The following SREBF2 variants were observed in gnomAD, a reference collection of about 807,000 sequenced individuals.
The protein encoded by SREBF2 is sterol regulatory element binding transcription factor 2.
Under a neutral mutation model 113.1 loss-of-function variants are expected in SREBF2, and 55 were observed. The ratio of observed to expected loss-of-function variants is 0.49; its 90% CI spans 0.39 to 0.61. SREBF2 has a LOEUF of 0.61. Ranked by LOEUF, SREBF2 falls within the 20% of genes least tolerant of loss-of-function variation. SREBF2 has a pLI of 0.00. For synonymous variants in SREBF2, 593 were observed against 605.7 expected (o/e 0.98, Z 0.31); for missense variants, 1,349 against 1,487.4 (o/e 0.91, Z 1.53).
At chr22:41,876,468 G>A (rs1400044292) in intron 7 of SREBF2, among the ~76,000 whole-genome samples, 1 of 152,218 alleles carries the variant, frequency 6.6e-6, no homozygotes, top group Non-Finnish European at 1.5e-5. Flanking sequence ...AATTGAATTA[G>A]CTGGGCTTCT....
At position 41,904,872 on chromosome 22, in the gene SREBF2, C is replaced by T. The variant is rs765791140; in HGVS notation, c.3103C>T (p.His1035Tyr). ...CCCGGCACCTCCCCAGGTGTTCCTGCATGAAGCCACCGTGCGCCTGATGGC... is the reference window on the plus strand; with the variant it reads ...CCCGGCACCTCCCCAGGTGTTCCTGTATGAAGCCACCGTGCGCCTGATGGC... ...FRPAYRKVFL[H>Y]EATVRLMAGA... Residue 1035 changes from histidine to tyrosine, a missense_variant, in exon 18 of 19, where the codon CAT becomes TAT. Around this residue, in one of 2 missense-constraint regions of SREBF2, gnomAD observed 650 missense variants for 644.1 expected, o/e 1.01. Transcript: ENST00000361204. 1.4e-5 allele frequency: 22 copies of T among 1,596,386 alleles called. No homozygotes were observed. Among genetic ancestry groups the T allele is most frequent in the Admixed American group, 1.0e-4 (6 of 58,136 alleles).
intron 16 of SREBF2, 106 bp from the exon 17 acceptor site, chr22:41,902,864 A>C: frequency 4.7e-5 from 58 of 1,239,608 alleles, no homozygotes; most frequent in Non-Finnish European, 6.1e-5. Flanking sequence ...ACTTCCTCCC[A>C]GAGCTGCTGA....
In SREBF2 at chr22:41,868,716, C is replaced by T. The variant is rs376619164; in HGVS notation, c.644C>T (p.Thr215Met). The T allele has an allele frequency of 1.6e-5, 26 of 1,614,122 alleles. No individual in the cohort carries two copies. The highest frequency in any genetic ancestry group is 1.6e-4 in the Middle Eastern group (1 of 6,084). Residue 215 changes from threonine to methionine, a missense_variant, in exon 3 of 19, where the codon ACG (threonine) becomes ATG (methionine). By Grantham distance (81) the Thr-to-Met change is moderately conservative (BLOSUM62 -1). Transcript: ENST00000361204. ...TVQAQRVLTQ[T>M]ANGTLQTLAP... ...CAGGCCCAGCGGGTGCTGACACAAA[C>T]GGCCAATGGCACGCTGCAGACCCTT...
At chr22:41,878,185 G>T in intron 9 of SREBF2, 62 bp downstream of exon 9, 2 of 1,600,734 alleles carry the variant, frequency 1.2e-6, no homozygotes, top group Non-Finnish European at 8.5e-7. Context: ...TCAGCAACTC[G>T]TGTCAAAGAA....
Position 41,833,428 on chromosome 22 carries a change from G to A in SREBF2, c.88+70G>A, listed in dbSNP as rs1178388021. 9 of 1,388,968 alleles carry A rather than the reference G, an allele frequency of 6.5e-6. No homozygotes were observed. The highest frequency in any genetic ancestry group is 8.8e-6 in the Non-Finnish European group (9 of 1,020,510). 86.0% of individuals were successfully genotyped at this position (1,388,968 alleles called of 1,614,324 possible). A position where few individuals can be genotyped will look rare whatever the true frequency, so the allele number is the denominator to read the frequency against. On this transcript the variant is annotated intron_variant, in intron 1 of 18. Coordinates refer to ENST00000361204, the MANE Select transcript of SREBF2 (RefSeq NM_004599.4). This position sits in a 1 kb window ranked among gnomAD's most constrained non-coding sequence, Gnocchi z 4.1. ...AGGGGTTACGGCGGCGCGCCCGGGT[G>A]CGCGTGCGCCCACCCCCCGACAGCC...
At position 41,866,934 on chromosome 22, in the gene SREBF2, C is replaced by T. The variant is rs145442703; in HGVS notation, c.192C>T (p.Ser64=). 124 of 1,613,268 alleles carry T rather than the reference C, an allele frequency of 7.7e-5. No individual in the cohort carries two copies. The highest frequency in any genetic ancestry group is 1.6e-4 in the Middle Eastern group (1 of 6,082). The change falls in exon 2 of 19, where the codon AGC becomes AGT. Residue 64 remains serine (S), a synonymous_variant. Coordinates refer to ENST00000361204, the MANE Select transcript of SREBF2 (RefSeq NM_004599.4). The part of the protein sequence containing the change: ...FPGSGGSGSS[S]GSSGSSSSSS... The stretch of plus-strand genomic sequence containing the variant: ...GCAGTGGTGGTAGTGGTAGCAGCAG[C>T]GGCAGCAGTGGCAGCAGCAGCAGCA...
At chr22:41,848,061 G>A (rs1273789885) in intron 1 of SREBF2, among the ~76,000 whole-genome samples, 3 of 151,478 alleles carry the variant, frequency 2.0e-5, no homozygotes, top group Admixed American at 1.3e-4. Flanking sequence ...GACTACAGGC[G>A]CCCGCCACCA....
At chr22:41,898,970 C>A (rs2077440537) in intron 15 of SREBF2, 189 bp downstream of exon 15, 1 of 829,258 alleles carries the variant, frequency 1.2e-6, no homozygotes. Context: ...GTCCTCTGTG[C>A]AAGTGTCCTG....
At chr22:41,845,882 C>T (rs1602271154) in intron 1 of SREBF2, among the ~76,000 whole-genome samples, 1 of 152,304 alleles carries the variant, frequency 6.6e-6, no homozygotes, top group East Asian at 1.9e-4. Flanking sequence ...CCCCAAAGAT[C>T]TGAATGTGGA....
intron 10 of SREBF2, 95 bp downstream of exon 10, chr22:41,881,087 A>C: frequency 6.7e-7 from 1 of 1,494,936 alleles, no homozygotes; most frequent in Non-Finnish European, 9.0e-7. Flanking sequence ...CCCTAGCTGA[A>C]GTCCCTTTAA....
intron 11 of SREBF2, among the ~76,000 whole-genome samples, 168 bp from the exon 12 acceptor site, chr22:41,892,949 T>G (rs940522058): frequency 6.6e-6 from 1 of 152,178 alleles, no homozygotes; most frequent in African/African-American, 2.4e-5. Flanking sequence ...TGCCCTAGTT[T>G]CCATGGTGGG....
At chr22:41,903,266 G>A in intron 17 of SREBF2, 111 bp downstream of exon 17, 1 of 1,328,838 alleles carries the variant, frequency 7.5e-7, no homozygotes, top group Non-Finnish European at 1.0e-6. Context: ...TCTGAGGTCA[G>A]CCTGGTGACC....
intron 1 of SREBF2, among the ~76,000 whole-genome samples, chr22:41,848,750 A>G (rs1286217707): frequency 1.3e-5 from 2 of 152,200 alleles, no homozygotes; most frequent in African/African-American, 4.8e-5. Context: ...CCTGCCTGAG[A>G]TGGTGTGCAG....
At chr22:41,862,837 G>A (rs556416609) in intron 1 of SREBF2, among the ~76,000 whole-genome samples, 6 of 152,322 alleles carry the variant, frequency 3.9e-5, no homozygotes, top group South Asian at 4.1e-4. Context: ...CCCAGTACCC[G>A]GCTGCCCGGC....
intron 2 of SREBF2, among the ~76,000 whole-genome samples, chr22:41,867,522 A>G (rs1053181362): frequency 1.3e-5 from 2 of 152,150 alleles, no homozygotes; most frequent in African/African-American, 4.8e-5. Context: ...AAATCCAGCA[A>G]GCGGCCGGGC....
At chr22:41,878,224 G>T in intron 9 of SREBF2, 101 bp downstream of exon 9, 1 of 1,481,342 alleles carries the variant, frequency 6.8e-7, no homozygotes, top group East Asian at 2.3e-5. Context: ...TGTGGTGAGA[G>T]GAAAAAGGGA....
rs181697900 is a variant in SREBF2 at position 41,899,309 on chromosome 22, C to T, written c.2738+528C>T. The T allele has an allele frequency of 6.1e-4, 636 of 1,034,164 alleles. 5 individuals carry two copies. In the African/African-American group the frequency reaches 8.6e-3, roughly 14 times the overall value. The allele number at this position is 1,034,164 out of a possible 1,614,324, so 64.1% of individuals were successfully genotyped here. A position where few individuals can be genotyped will look rare whatever the true frequency, so the allele number is the denominator to read the frequency against. ...AAATAGCCTTTAGCACATGGCATAACCGGAGAGCTTTTGACATTCCTCTTT... is the reference window on the plus strand; with the variant it reads ...AAATAGCCTTTAGCACATGGCATAATCGGAGAGCTTTTGACATTCCTCTTT... On this transcript the variant is annotated intron_variant, in intron 15 of 18. Transcript: ENST00000361204.
intron 1 of SREBF2, among the ~76,000 whole-genome samples, chr22:41,859,447 G>C (rs917969779): frequency 6.6e-6 from 1 of 152,166 alleles, no homozygotes; most frequent in Non-Finnish European, 1.5e-5. Flanking sequence ...ATTCCTGCAT[G>C]GCTCATTTCA....
In SREBF2 at chr22:41,877,387, A is replaced by T; in HGVS notation, c.1545A>T (p.Ser515=). The change falls in exon 8 of 19, where the codon TCA becomes TCT. Residue 515 remains serine, a synonymous_variant. Coordinates refer to ENST00000361204, the MANE Select transcript of SREBF2 (RefSeq NM_004599.4). ...GAHDSDQHPH[S]GSGRSVLSFE... Reference sequence around the variant, plus strand: ...ACGACTCTGACCAGCACCCACACTCAGGCTCTGGCCGCAGTGTCCTGTCAT... The same window carrying T: ...ACGACTCTGACCAGCACCCACACTCTGGCTCTGGCCGCAGTGTCCTGTCAT... The T allele has an allele frequency of 1.9e-6, 3 of 1,614,166 alleles. No homozygotes were observed. Among genetic ancestry groups the T allele is most frequent in the East Asian group, 2.2e-5 (1 of 44,878 alleles).
Sources: allele counts gnomAD v4.1 joint callset (sites outside exome capture counted in the v4.1 genomes callset), GRCh38; gene constraint gnomAD v4.1.1; regional missense constraint gnomAD v4.1.1; non-coding constraint Gnocchi (gnomAD v3.1); transcripts MANE v1.5; gene names NCBI Gene and HGNC (gene_info 2026-07-23, HGNC 2026-07-21).